The following CYP20A1 variants were observed in gnomAD, a reference collection of about 807,000 sequenced individuals.
The protein encoded by CYP20A1 is cytochrome P450 20A1.
A neutral mutation model predicts 61.4 loss-of-function variants in CYP20A1; 61 were observed. The ratio of observed to expected loss-of-function variants is 0.99; its 90% CI spans 0.81 to 1.23. The LOEUF is 1.23. CYP20A1 is among the 50% of genes most tolerant of loss of function. The pLI, the probability that CYP20A1 is intolerant of heterozygous loss-of-function variation, is 0.00. For missense variants in CYP20A1, 530 were observed against 542.4 expected, an observed-to-expected ratio of 0.98 and a Z score of 0.23; for synonymous variants, 193 against 188.2, an observed-to-expected ratio of 1.03 and a Z score of -0.21.
chr2:203,248,394 C>T (rs1040571151), intron 3 of CYP20A1, among the ~76,000 whole-genome samples: 1 of 151,942 alleles, frequency 6.6e-6, no homozygotes, highest in Non-Finnish European at 1.5e-5. Flanking sequence ...ATTAGCCAGG[C>T]CTGGTGATGT....
intron 4 of CYP20A1, among the ~76,000 whole-genome samples, chr2:203,262,526 C>A (rs2067175074): frequency 6.6e-6 from 1 of 151,778 alleles, no homozygotes; most frequent in Admixed American, 6.6e-5. Flanking sequence ...TTATTTCCTT[C>A]CTTCTGCTTT....
chr2:203,271,082 A>ATATATATATATATATTT (rs1178482961), intron 5 of CYP20A1, among the ~76,000 whole-genome samples: 1 of 31,632 alleles, frequency 3.2e-5, no homozygotes, highest in African/African-American at 1.0e-4. Flanking sequence ...ATATATATAT[A>ATATATATATATATATTT]TTTTTTTTTT....
intron 8 of CYP20A1, among the ~76,000 whole-genome samples, chr2:203,284,141 T>A (rs939677089): frequency 6.6e-6 from 1 of 152,170 alleles, no homozygotes; most frequent in African/African-American, 2.4e-5. Context: ...GAGTACCAGG[T>A]TACTACTGAT....
At chr2:203,270,069 T>G (rs182936522) in intron 5 of CYP20A1, among the ~76,000 whole-genome samples, 13 of 151,824 alleles carry the variant, frequency 8.6e-5, no homozygotes, top group Admixed American at 7.9e-4. Context: ...CTGGGCAACA[T>G]GACAAAACCC....
At chr2:203,267,293 G>A (rs1056736756) in intron 5 of CYP20A1, among the ~76,000 whole-genome samples, 16 of 152,098 alleles carry the variant, frequency 1.1e-4, no homozygotes, top group Non-Finnish European at 1.8e-4. Context: ...AGCACTTTGG[G>A]AGGCCGAGGC....
chr2:203,244,826 A>G (rs1195913407), intron 1 of CYP20A1, among the ~76,000 whole-genome samples: 6 of 145,210 alleles, frequency 4.1e-5, no homozygotes, highest in East Asian at 4.1e-4. Context: ...TCCGCCTCCC[A>G]GGTTCACGCC....
In CYP20A1 at chr2:203,272,659, C is replaced by G. The variant is rs752327517; in HGVS notation, c.601-11C>G. 5.1e-5 allele frequency: 79 copies of G among 1,550,792 alleles called. No homozygotes were observed. Among genetic ancestry groups the G allele is most frequent in the Non-Finnish European group, 6.8e-5 (78 of 1,139,028 alleles). Reference sequence around the variant, plus strand: ...ATTAGATAATAGTTATGTATATTTACCTATTTTCAGGTTTGGTCTGAGATT... The same window carrying G: ...ATTAGATAATAGTTATGTATATTTAGCTATTTTCAGGTTTGGTCTGAGATT... On this transcript the variant is annotated splice_polypyrimidine_tract_variant and intron_variant, in intron 5 of 12. Transcript: ENST00000356079.
chr2:203,276,827 G>T (rs1432096667), intron 6 of CYP20A1, among the ~76,000 whole-genome samples: 3 of 152,138 alleles, frequency 2.0e-5, no homozygotes, highest in Non-Finnish European at 4.4e-5. Flanking sequence ...AGATTTGGAA[G>T]TGCACGGTAC....
intron 4 of CYP20A1, among the ~76,000 whole-genome samples, chr2:203,253,790 C>G (rs1300055370): frequency 2.6e-5 from 4 of 151,332 alleles, no homozygotes; most frequent in Admixed American, 2.6e-4. Flanking sequence ...AAAAATTTGT[C>G]TTTTTCTTTT....
rs1412236049 is a variant in CYP20A1 at position 203,285,670 on chromosome 2, T to G, written c.909T>G (p.Tyr303Ter). The change falls in exon 9 of 13, where the codon TAT (tyrosine) becomes TAG (stop). Residue 303 changes from tyrosine to a stop codon, truncating the protein, a stop_gained. Coordinates refer to ENST00000356079, the MANE Select transcript of CYP20A1 (RefSeq NM_177538.3). LOFTEE classifies it high-confidence loss of function. The stretch of plus-strand genomic sequence containing the variant: ...CTGAAGAAGTTCAAAAAAAATTATA[T>G]GAAGAGATAAACCAAGTTTTTGGAA... Reference protein sequence around the residue: ...TTSEEVQKKLYEEINQVFGNG... With the variant: ...TTSEEVQKKL The G allele has an allele frequency of 6.2e-7, 1 of 1,607,780 alleles. No individual in the cohort carries two copies. The highest frequency in any genetic ancestry group is 2.2e-5 in the East Asian group (1 of 44,600).
chr2:203,263,595 A>G (rs1008206716), intron 4 of CYP20A1, among the ~76,000 whole-genome samples: 4 of 152,082 alleles, frequency 2.6e-5, no homozygotes, highest in Non-Finnish European at 5.9e-5. Context: ...GCCCGTATGC[A>G]AGTTTTGATG....
intron 6 of CYP20A1, among the ~76,000 whole-genome samples, chr2:203,273,504 A>G (rs959128409): frequency 1.3e-5 from 2 of 152,188 alleles, no homozygotes; most frequent in African/African-American, 4.8e-5. Flanking sequence ...AATATTACGG[A>G]TATTTATAAA....
In CYP20A1 at chr2:203,261,605, T is replaced by TAA. The variant is rs36092540; in HGVS notation, c.433-4890_433-4889dup. On this transcript the variant is annotated intron_variant, in intron 4 of 12. Coordinates refer to ENST00000356079, the MANE Select transcript of CYP20A1 (RefSeq NM_177538.3). ...GTAGCTCCTGGGCTCCTTTGTCACC[T>TAA]AAAAAAAAAAAAAAAAAAAAGGAAT... 7.1e-3 allele frequency among the ~76,000 whole-genome samples: 524 copies of TAA among 74,304 alleles called. 5 individuals are homozygous for TAA. Among genetic ancestry groups the TAA allele is most frequent in the South Asian group, 0.022 (26 of 1,184 alleles). 48.7% of individuals were successfully genotyped at this position (74,304 alleles called of 152,430 possible).
chr2:203,260,586 A>G (rs936097811), intron 4 of CYP20A1, among the ~76,000 whole-genome samples: 2 of 151,912 alleles, frequency 1.3e-5, no homozygotes, highest in African/African-American at 2.4e-5. Context: ...TGGCACAGTC[A>G]TACCTTAATA....
intron 4 of CYP20A1, among the ~76,000 whole-genome samples, chr2:203,255,874 G>A (rs1272997981): frequency 6.6e-6 from 1 of 152,186 alleles, no homozygotes; most frequent in Non-Finnish European, 1.5e-5. Context: ...GCTAATGTGT[G>A]TTCATTTTTC....
Position 203,303,980 on chromosome 2 carries a change from G to A in CYP20A1, c.*7072G>A, listed in dbSNP as rs934404327. Among the ~76,000 whole-genome samples the A allele has an allele frequency of 6.6e-6, 1 of 152,022 alleles. No individual in the cohort carries two copies. Among genetic ancestry groups the A allele is most frequent in the Non-Finnish European group, 1.5e-5 (1 of 68,016 alleles). On this transcript the variant is annotated 3_prime_UTR_variant, in exon 13 of 13. Coordinates refer to ENST00000356079, the MANE Select transcript of CYP20A1 (RefSeq NM_177538.3). Reference sequence around the variant, plus strand: ...CACACCTGTAATCCCAGCACTTTGGGAGTCCAAAGTGGGCGTATAACTTGA... The same window carrying A: ...CACACCTGTAATCCCAGCACTTTGGAAGTCCAAAGTGGGCGTATAACTTGA...
At chr2:203,280,190 C>A in intron 8 of CYP20A1, 77 bp downstream of exon 8, 1 of 1,172,080 alleles carries the variant, frequency 8.5e-7, no homozygotes, top group Non-Finnish European at 1.2e-6. Flanking sequence ...ACCTGTAATC[C>A]CAACACTTGG....
At chr2:203,267,523 A>G (rs566588521) in intron 5 of CYP20A1, among the ~76,000 whole-genome samples, 6 of 139,038 alleles carry the variant, frequency 4.3e-5, no homozygotes, top group Admixed American at 3.1e-4. Flanking sequence ...TGATGGAGTG[A>G]GACTCTTGTC....
At chr2:203,253,591 T>G (rs1233579578) in intron 4 of CYP20A1, among the ~76,000 whole-genome samples, 1 of 152,200 alleles carries the variant, frequency 6.6e-6, no homozygotes, top group East Asian at 1.9e-4. Context: ...ATAAGCAGAT[T>G]TACAGAAGCA....
Sources: allele counts gnomAD v4.1 joint callset (sites outside exome capture counted in the v4.1 genomes callset), GRCh38; gene constraint gnomAD v4.1.1; transcripts MANE v1.5; gene names NCBI Gene and HGNC (gene_info 2026-07-23, HGNC 2026-07-21).